Variants in CDKN1A observed in about 807,000 individuals in gnomAD.
The protein encoded by CDKN1A is cyclin-dependent kinase inhibitor 1.
A neutral mutation model predicts 14.8 loss-of-function variants in CDKN1A; 14 were observed. The observed-to-expected ratio is 0.94, with a 90% confidence interval of 0.62 to 1.48. The LOEUF (loss-of-function observed/expected upper bound fraction) is 1.48, where lower values mean the gene tolerates loss of function less well. Ranked by LOEUF, CDKN1A falls within the 40% of genes most tolerant of loss-of-function variation. CDKN1A has a pLI of 0.00. For missense variants in CDKN1A, 203 were observed against 231.7 expected (o/e 0.88, Z 0.80); for synonymous variants, 92 against 93.5 (o/e 0.98, Z 0.09).
intron 1 of CDKN1A, chr6:36,679,050 T>TTCCTG: frequency 1.1e-6 from 1 of 904,120 alleles, no homozygotes; most frequent in Non-Finnish European, 1.3e-6. Context: ...GAGAGCGGGA[T>TTCCTG]TACAAGTACA....
At chr6:36,680,289 CGTGCGT>C (rs1761875340) in intron 1 of CDKN1A, among the ~76,000 whole-genome samples, 2 of 95,362 alleles carry the variant, frequency 2.1e-5, no homozygotes, top group South Asian at 8.4e-4. Context: ...CGCGCGCGCG[CGTGCGT>C]GTCTGCGCGG....
intron 2 of CDKN1A, among the ~76,000 whole-genome samples, chr6:36,685,522 G>C (rs1466351322): frequency 6.6e-6 from 1 of 152,228 alleles, no homozygotes; most frequent in South Asian, 2.1e-4. Context: ...GCAGACCCAT[G>C]GGTGCGGGTG....
In CDKN1A at chr6:36,685,833, G is replaced by C; in HGVS notation, c.*33G>C. 3 of 1,602,058 alleles carry C rather than the reference G, an allele frequency of 1.9e-6. 1 individual carries two copies. In the South Asian group the frequency reaches 3.3e-5, roughly 18 times the overall value. On this transcript the variant is annotated 3_prime_UTR_variant, in exon 3 of 3. Transcript: ENST00000244741. ...ACAGGAAGCCTGCAGTCCTGGAAGC[G>C]CGAGGGCCTCAAAGGCCCGCTCTAC...
At position 36,685,904 on chromosome 6, in the gene CDKN1A, GTTTTAA is replaced by G. The variant is rs976707693; in HGVS notation, c.*108_*113del. ...TTTGTGTGTCTTAATTATTATTTGT[GTTTTAA>G]TTTAAACACCTCCTCATGTACATAC... On this transcript the variant is annotated 3_prime_UTR_variant, in exon 3 of 3. Transcript: ENST00000244741. The G allele has an allele frequency of 8.5e-7, 1 of 1,178,606 alleles. No individual in the cohort carries two copies. Among genetic ancestry groups the G allele is most frequent in the African/African-American group, 1.5e-5 (1 of 66,230 alleles). 73.0% of individuals were successfully genotyped at this position (1,178,606 alleles called of 1,614,324 possible).
intron 1 of CDKN1A, among the ~76,000 whole-genome samples, chr6:36,681,214 C>T (rs1761929947): frequency 6.6e-6 from 1 of 151,494 alleles, no homozygotes; most frequent in Non-Finnish European, 1.5e-5. Context: ...AAGTTGGTCT[C>T]GGGAGGCAGG....
Position 36,678,967 on chromosome 6 carries a change from G to A in CDKN1A, c.-6+169G>A, listed in dbSNP as rs1002279958. The A allele has an allele frequency of 1.1e-4, 113 of 984,682 alleles. No homozygotes were observed. Among genetic ancestry groups the A allele is most frequent in the Non-Finnish European group, 1.3e-4 (107 of 829,912 alleles). 61.0% of individuals were successfully genotyped at this position (984,682 alleles called of 1,614,324 possible). A position where few individuals can be genotyped will look rare whatever the true frequency, so the allele number is the denominator to read the frequency against. On this transcript the variant is annotated intron_variant, in intron 1 of 2. Coordinates refer to ENST00000244741, the MANE Select transcript of CDKN1A (RefSeq NM_000389.5). This position sits in a 1 kb window ranked among gnomAD's most constrained non-coding sequence, Gnocchi z 5.7. ...GAATGACGGGCGTGGGTCGGTGCGCGCTCGGCTTGCGCACACGGTGTCTCT... is the reference window on the plus strand; with the variant it reads ...GAATGACGGGCGTGGGTCGGTGCGCACTCGGCTTGCGCACACGGTGTCTCT...
At chr6:36,683,991 C>A in intron 1 of CDKN1A, 106 bp from the exon 2 acceptor site, 1 of 1,085,914 alleles carries the variant, frequency 9.2e-7, no homozygotes, top group East Asian at 2.6e-5. Flanking sequence ...TGAGAGAGAC[C>A]CTCTGGTAGG....
chr6:36,684,661 C>A lies in CDKN1A; in HGVS notation c.445+115C>A. Reference sequence around the variant, plus strand: ...CATGCTCCAGGTAGAAGGAAACAGGCCCAGAGAGGGGAAGCAACCTCCCTG... The same window carrying A: ...CATGCTCCAGGTAGAAGGAAACAGGACCAGAGAGGGGAAGCAACCTCCCTG... On this transcript the variant is annotated intron_variant, in intron 2 of 2. Coordinates refer to ENST00000244741, the MANE Select transcript of CDKN1A (RefSeq NM_000389.5). The surrounding 1 kb of genome is among the most constrained non-coding windows in gnomAD (Gnocchi z 6.0). 1.9e-6 allele frequency: 2 copies of A among 1,065,756 alleles called. No homozygotes were observed. The highest frequency in any genetic ancestry group is 1.4e-6 in the Non-Finnish European group (1 of 711,562). The allele number at this position is 1,065,756 out of a possible 1,614,324, so 66.0% of individuals were successfully genotyped here.
intron 2 of CDKN1A, 78 bp from the exon 3 acceptor site, chr6:36,685,673 C>G (rs1433892642): frequency 1.4e-6 from 2 of 1,471,010 alleles, no homozygotes; most frequent in East Asian, 2.3e-5. Context: ...TCCTGGCCCC[C>G]CACTGTCTTC....
At position 36,684,255 on chromosome 6, in the gene CDKN1A, G is replaced by C. The variant is rs1019789691; in HGVS notation, c.154G>C (p.Asp52His). 6.2e-7 allele frequency: 1 copy of C among 1,612,708 alleles called. No individual in the cohort carries two copies. The highest frequency in any genetic ancestry group is 8.5e-7 in the Non-Finnish European group (1 of 1,179,980). Residue 52 changes from aspartate (D) to histidine (H), a missense_variant, in exon 2 of 3, where the codon GAC (aspartate) becomes CAC (histidine). Physicochemically the swap from Asp to His is moderately conservative, Grantham distance 81 (BLOSUM62 -1). Transcript: ENST00000244741. This position sits in a 1 kb window ranked among gnomAD's most constrained non-coding sequence, Gnocchi z 6.0. ...GGAGGCCCGTGAGCGATGGAACTTC[G>C]ACTTTGTCACCGAGACACCACTGGA... ...IQEARERWNFDFVTETPLEGD... is the reference protein window; with the variant it reads ...IQEARERWNFHFVTETPLEGD...
At chr6:36,680,841 T>C (rs1761916542) in intron 1 of CDKN1A, 2 of 152,278 alleles carry the variant, frequency 1.3e-5, no homozygotes, top group South Asian at 4.1e-4. Context: ...GAGGCTATTT[T>C]TAATTGTTTC....
upstream of CDKN1A, chr6:36,678,350 C>A (rs1224276290): frequency 1.2e-5 from 2 of 169,924 alleles, no homozygotes; most frequent in Non-Finnish European, 2.5e-5. The surrounding 1 kb of genome is among the most constrained non-coding windows in gnomAD (Gnocchi z 5.7). Flanking sequence ...AGTGGGTCAG[C>A]GGTGAGCCAG....
In CDKN1A at chr6:36,684,297, G is replaced by T. The variant is rs1213488369; in HGVS notation, c.196G>T (p.Glu66Ter). Residue 66 changes from glutamate (E) to a stop codon, truncating the protein, a stop_gained, in exon 2 of 3, where the codon GAG (glutamate) becomes TAG (stop). Coordinates refer to ENST00000244741, the MANE Select transcript of CDKN1A (RefSeq NM_000389.5). LOFTEE classifies it high-confidence loss of function. The surrounding 1 kb of genome is among the most constrained non-coding windows in gnomAD (Gnocchi z 6.0). ...ACCACTGGAGGGTGACTTCGCCTGG[G>T]AGCGTGTGCGGGGCCTTGGCCTGCC... ...ETPLEGDFAW[E>*]RVRGLGLPKL... The T allele has an allele frequency of 6.2e-7, 1 of 1,613,426 alleles. No homozygotes were observed. Among genetic ancestry groups the T allele is most frequent in the Non-Finnish European group, 8.5e-7 (1 of 1,180,002 alleles).
chr6:36,678,012 A>G, upstream of CDKN1A: 1 of 606,404 alleles, frequency 1.6e-6, no homozygotes, highest in Non-Finnish European at 2.8e-6. This position sits in a 1 kb window ranked among gnomAD's most constrained non-coding sequence, Gnocchi z 5.7. Flanking sequence ...CTTTTTTGGT[A>G]GTCTCTCCAA....
At chr6:36,683,590 G>A (rs1468960347) in intron 1 of CDKN1A, among the ~76,000 whole-genome samples, 4 of 152,224 alleles carry the variant, frequency 2.6e-5, no homozygotes, top group Admixed American at 6.5e-5. Context: ...ACTTTTACTT[G>A]GCAGAGCAGG....
chr6:36,676,880 A>G (rs1259086266), upstream of CDKN1A, among the ~76,000 whole-genome samples: 1 of 152,180 alleles, frequency 6.6e-6, no homozygotes, highest in African/African-American at 2.4e-5. Context: ...TTATAAAAAA[A>G]ATTCTTTCCC....
chr6:36,679,073 C>A, intron 1 of CDKN1A: 2 of 777,564 alleles, frequency 2.6e-6, no homozygotes, highest in Non-Finnish European at 3.1e-6. Flanking sequence ...AATCCCTGGT[C>A]ACGCTCCCCG....
intron 1 of CDKN1A, among the ~76,000 whole-genome samples, chr6:36,681,240 A>G (rs973798027): frequency 3.5e-5 from 5 of 144,810 alleles, no homozygotes; most frequent in Non-Finnish European, 6.1e-5. Flanking sequence ...AGCAATCTAT[A>G]TTTTGAAAAA....
chr6:36,685,283 G>A (rs541672746), intron 2 of CDKN1A, among the ~76,000 whole-genome samples: 1 of 152,290 alleles, frequency 6.6e-6, no homozygotes, highest in African/African-American at 2.4e-5. Flanking sequence ...GCATTGTGCT[G>A]AACACTTTCA....
Sources: gnomAD v4.1 joint callset for allele counts (sites outside exome capture counted in the v4.1 genomes callset) on GRCh38, gnomAD v4.1.1 for gene constraint, Gnocchi (gnomAD v3.1) non-coding constraint, MANE v1.5 for transcripts, NCBI Gene and HGNC (gene_info 2026-07-23, HGNC 2026-07-21) for gene names.